The following SLC5A2 variants were observed in gnomAD, a reference collection of about 807,000 sequenced individuals.
The protein encoded by SLC5A2 is sodium/glucose cotransporter 2.
In SLC5A2, 67 loss-of-function variants were observed where a neutral mutation model predicts 69.0. The ratio of observed to expected loss-of-function variants is 0.97; its 90% CI spans 0.80 to 1.19. SLC5A2 has a LOEUF of 1.19. Among genes scored for constraint, SLC5A2 ranks in the 50% most tolerant of loss-of-function variants. The pLI is 0.00. For missense variants in SLC5A2, 1,001 were observed against 921.5 expected (o/e 1.09, Z -1.12); for synonymous variants, 455 against 395.8 (o/e 1.15, Z -1.78).
At position 31,487,582 on chromosome 16, in the gene SLC5A2, A is replaced by G; in HGVS notation, c.708A>G (p.Ala236=). The part of the protein sequence containing the change: ...YSGLFDKYLG[A]ATSLTVSEDP... ...GTCTCTTCGACAAATACCTGGGAGC[A>G]GCGACTTCGCTGACGGTGTCCGAGG... Residue 236 remains alanine, a synonymous_variant, in exon 7 of 14, where the codon GCA becomes GCG. Transcript: ENST00000330498. 1 of 1,613,938 alleles carries G rather than the reference A, an allele frequency of 6.2e-7. No individual in the cohort carries two copies. The highest frequency in any genetic ancestry group is 8.5e-7 in the Non-Finnish European group (1 of 1,179,992).
Position 31,489,353 on chromosome 16 carries a change from GC to G in SLC5A2, c.1665+19del. ...CCAGAAAGCACGTGAGTGGCCAGGT[GC>G]CCCAGGCAAGCACTGTGGGACACAG... On this transcript the variant is annotated intron_variant, in intron 12 of 13. Coordinates refer to ENST00000330498, the MANE Select transcript of SLC5A2 (RefSeq NM_003041.4). The G allele has an allele frequency of 6.2e-7, 1 of 1,603,132 alleles. No homozygotes were observed.
intron 1 of SLC5A2, among the ~76,000 whole-genome samples, chr16:31,484,045 T>C (rs1237061833): frequency 6.6e-6 from 1 of 152,034 alleles, no homozygotes; most frequent in Non-Finnish European, 1.5e-5. Context: ...GCTATGATCA[T>C]GTCACTGCAC....
At position 31,488,663 on chromosome 16, in the gene SLC5A2, A is replaced by G. The variant is rs757796772; in HGVS notation, c.1171A>G (p.Met391Val). 8 of 1,612,484 alleles carry G rather than the reference A, an allele frequency of 5.0e-6. No individual in the cohort carries two copies. Among genetic ancestry groups the G allele is most frequent in the Admixed American group, 1.7e-5 (1 of 59,986 alleles). Residue 391 changes from methionine to valine, a missense_variant, in exon 10 of 14, where the codon ATG becomes GTG. Coordinates refer to ENST00000330498, the MANE Select transcript of SLC5A2 (RefSeq NM_003041.4). ...LMLAVMLAALMSSLASIFNSS... is the reference protein window; with the variant it reads ...LMLAVMLAALVSSLASIFNSS... ...GCTGGCGGTCATGCTGGCCGCGCTC[A>G]TGTCCTCGCTGGCCTCCATCTTCAA... is the stretch of plus-strand genomic sequence containing the variant.
At chr16:31,487,808 C>T in intron 7 of SLC5A2, 49 bp downstream of exon 7, 1 of 1,536,316 alleles carries the variant, frequency 6.5e-7, no homozygotes. Context: ...GGAGCCGAGA[C>T]GGGCGGAGCC....
Position 31,483,127 on chromosome 16 carries a change from C to G in SLC5A2, c.-10C>G. 6.2e-7 allele frequency: 1 copy of G among 1,613,854 alleles called. No individual in the cohort carries two copies. Among genetic ancestry groups the G allele is most frequent in the Non-Finnish European group, 8.5e-7 (1 of 1,179,998 alleles). ...GGGCTGGTTCCTGGATGGGGCAGAT[C>G]CTGGGGAGAATGGAGGAGCACACAG... On this transcript the variant is annotated 5_prime_UTR_variant, in exon 1 of 14. In the 5' UTR this introduces an upstream ATG that the reference lacks. Transcript: ENST00000330498.
At chr16:31,485,632 C>T in intron 3 of SLC5A2, 97 bp from the exon 4 acceptor site, 2 of 1,500,330 alleles carry the variant, frequency 1.3e-6, no homozygotes, top group East Asian at 2.3e-5. Context: ...TGTGGCCCTT[C>T]CCAGGGCCAC....
chr16:31,484,969 C>T, intron 3 of SLC5A2, 46 bp downstream of exon 3: 2 of 1,523,198 alleles, frequency 1.3e-6, no homozygotes, highest in Non-Finnish European at 1.8e-6. Flanking sequence ...GTGAGAACAC[C>T]TGGAAGGGTC....
Position 31,490,667 on chromosome 16 carries a change from C to G in SLC5A2, c.*132C>G. On this transcript the variant is annotated 3_prime_UTR_variant, in exon 14 of 14. Transcript: ENST00000330498. ...TGGCTCCCCTTCTCCCGGCCTTCCT[C>G]TGCCTGGGGCCCACTGCATCTGATT... The G allele has an allele frequency of 9.2e-7, 1 of 1,090,466 alleles. No individual in the cohort carries two copies. The highest frequency in any genetic ancestry group is 1.4e-6 in the Non-Finnish European group (1 of 730,196). 67.5% of individuals were successfully genotyped at this position (1,090,466 alleles called of 1,614,324 possible). A position where few individuals can be genotyped will look rare whatever the true frequency, so the allele number is the denominator to read the frequency against.
Position 31,490,061 on chromosome 16 carries a change from G to A in SLC5A2, c.1666-43G>A, listed in dbSNP as rs559072132. 10 of 1,611,658 alleles carry A rather than the reference G, an allele frequency of 6.2e-6. No individual in the cohort carries two copies. The South Asian group carries it at 9.9e-5, about 16-fold the overall frequency. On this transcript the variant is annotated intron_variant, in intron 12 of 13. Transcript: ENST00000330498. ...CAAGAGACTTTAGGGCCAGGCATGG[G>A]GGGACAGAACTCCCACCTCGTTCGT...
Position 31,488,738 on chromosome 16 carries a change from C to A in SLC5A2, c.1246C>A (p.Arg416Ser). 1 of 1,608,924 alleles carries A rather than the reference C, an allele frequency of 6.2e-7. No individual in the cohort carries two copies. ...TMDIYTRLRP[R>S]AGDRELLLVG... is the part of the protein sequence containing the mutation. ...GGACATCTACACGCGCCTGCGGCCACGCGCCGGCGACCGCGAGCTGCTGCT... is the reference window on the plus strand; with the variant it reads ...GGACATCTACACGCGCCTGCGGCCAAGCGCCGGCGACCGCGAGCTGCTGCT... The change falls in exon 10 of 14, where the codon CGC becomes AGC. Residue 416 changes from arginine to serine, a missense_variant. Arg to Ser is a moderately radical substitution (Grantham distance 110, BLOSUM62 -1). Transcript: ENST00000330498.
rs1032587663 is a variant in SLC5A2 at position 31,488,747 on chromosome 16, G to C, written c.1255G>C (p.Asp419His). 1 of 1,605,756 alleles carries C rather than the reference G, an allele frequency of 6.2e-7. No individual in the cohort carries two copies. The highest frequency in any genetic ancestry group is 1.1e-5 in the South Asian group (1 of 90,614). The change falls in exon 10 of 14, where the codon GAC becomes CAC. Residue 419 changes from aspartate to histidine, a missense_variant. Asp to His is a moderately conservative substitution (Grantham distance 81, BLOSUM62 -1). Coordinates refer to ENST00000330498, the MANE Select transcript of SLC5A2 (RefSeq NM_003041.4). ...IYTRLRPRAG[D>H]RELLLVGRLW... ...CACGCGCCTGCGGCCACGCGCCGGCGACCGCGAGCTGCTGCTGGTGGGACG... is the reference window on the plus strand; with the variant it reads ...CACGCGCCTGCGGCCACGCGCCGGCCACCGCGAGCTGCTGCTGGTGGGACG...
Position 31,488,719 on chromosome 16 carries a change from CTACACGCGCCTGCG to C in SLC5A2, c.1228_1241del (p.Tyr410AlafsTer47). ...GCAGCACGCTCTTCACCATGGACAT[CTACACGCGCCTGCG>C]GCCACGCGCCGGCGACCGCGAGCTG... is the stretch of plus-strand genomic sequence containing the variant. On this transcript the variant is annotated frameshift_variant, in exon 10 of 14. Coordinates refer to ENST00000330498, the MANE Select transcript of SLC5A2 (RefSeq NM_003041.4). LOFTEE classifies it high-confidence loss of function. 6.2e-7 allele frequency: 1 copy of C among 1,611,984 alleles called. No homozygotes were observed. The highest frequency in any genetic ancestry group is 8.5e-7 in the Non-Finnish European group (1 of 1,179,180).
intron 12 of SLC5A2, chr16:31,489,682 C>G (rs2082542505): frequency 2.1e-6 from 1 of 472,002 alleles, no homozygotes; most frequent in Non-Finnish European, 3.9e-6. Context: ...CAGGTGGCTC[C>G]AGGCAGGGCT....
At position 31,486,204 on chromosome 16, in the gene SLC5A2, A is replaced by G. The variant is rs1294044448; in HGVS notation, c.503A>G (p.Gln168Arg). The G allele has an allele frequency of 4.3e-6, 7 of 1,613,742 alleles. No homozygotes were observed. Among genetic ancestry groups the G allele is most frequent in the Non-Finnish European group, 5.9e-6 (7 of 1,179,836 alleles). The change falls in exon 5 of 14, where the codon CAG becomes CGG. Residue 168 changes from glutamine to arginine, a missense_variant. By Grantham distance (43) the Gln-to-Arg change is conservative (BLOSUM62 1). Transcript: ENST00000330498. ...TTCTCCGGAGCTGTATTCATCCAGC[A>G]GGCTCTGGGCTGGAACATCTATGCC... ...DMFSGAVFIQQALGWNIYASV... is the reference protein window; with the variant it reads ...DMFSGAVFIQRALGWNIYASV...
rs201253833 is a variant in SLC5A2, at chr16:31,489,059, C to G, written c.1449+11C>G. On this transcript the variant is annotated intron_variant, in intron 11 of 13. Coordinates refer to ENST00000330498, the MANE Select transcript of SLC5A2 (RefSeq NM_003041.4). ...CGCGTTAATGAGCAGGTGAGCGGCACGCGCGTGGTGACGGCAGGGCTGGGC... is the reference window on the plus strand; with the variant it reads ...CGCGTTAATGAGCAGGTGAGCGGCAGGCGCGTGGTGACGGCAGGGCTGGGC... 3 of 1,601,656 alleles carry G rather than the reference C, an allele frequency of 1.9e-6. No individual in the cohort carries two copies. The highest frequency in any genetic ancestry group is 1.7e-6 in the Non-Finnish European group (2 of 1,179,892).
intron 3 of SLC5A2, chr16:31,485,167 G>A (rs1309944958): frequency 1.6e-6 from 1 of 612,106 alleles, no homozygotes; most frequent in African/African-American, 1.8e-5. Context: ...ACTGCCTCTG[G>A]GAGCTTCCAT....
At chr16:31,490,285 C>A in intron 13 of SLC5A2, 24 bp from the exon 14 acceptor site, 2 of 1,613,584 alleles carry the variant, frequency 1.2e-6, no homozygotes, top group Non-Finnish European at 8.5e-7. Flanking sequence ...CGCAAACTAA[C>A]TGCAGGGCCT....
rs1229248283 is a variant in SLC5A2 at position 31,490,291 on chromosome 16, G to A, written c.1793-18G>A. 2.5e-6 allele frequency: 4 copies of A among 1,613,308 alleles called. No individual in the cohort carries two copies. The highest frequency in any genetic ancestry group is 1.3e-5 in the African/African-American group (1 of 74,902). On this transcript the variant is annotated intron_variant, in intron 13 of 13. Coordinates refer to ENST00000330498, the MANE Select transcript of SLC5A2 (RefSeq NM_003041.4). ...CTGAGTTCCCGCAAACTAACTGCAG[G>A]GCCTCAATTTCCCTCAGAGCCCCAG...
intron 5 of SLC5A2, 95 bp from the exon 6 acceptor site, chr16:31,487,225 G>C (rs968566747): frequency 2.6e-6 from 3 of 1,158,764 alleles, no homozygotes; most frequent in Admixed American, 1.7e-5. Flanking sequence ...CTCCAGGAAG[G>C]GGAACTCTTT....
Sources: gnomAD v4.1 joint callset for allele counts (sites outside exome capture counted in the v4.1 genomes callset) on GRCh38, gnomAD v4.1.1 for gene constraint, MANE v1.5 for transcripts, NCBI Gene and HGNC (gene_info 2026-07-23, HGNC 2026-07-21) for gene names.